PTPRD: variants seen among roughly 807,000 people sequenced by gnomAD.
The protein encoded by PTPRD is receptor-type tyrosine-protein phosphatase delta.
Under a neutral mutation model 214.5 loss-of-function variants are expected in PTPRD, and 34 were observed. That is an observed-to-expected ratio of 0.16 (90% CI 0.12 to 0.21). The LOEUF is 0.21. PTPRD is among the 10% of genes least tolerant of loss of function. PTPRD has a pLI of 1.00. For synonymous variants in PTPRD, 1,128 were observed against 845.7 expected, an observed-to-expected ratio of 1.33 and a Z score of -5.79; for missense variants, 2,545 against 2,398.7, an observed-to-expected ratio of 1.06 and a Z score of -1.27.
chr9:8,456,833 T>C (rs2096224034), intron 33 of PTPRD, among the ~76,000 whole-genome samples: 1 of 91,016 alleles, frequency 1.1e-5, no homozygotes, highest in African/African-American at 4.4e-5. Context: ...CTCAGACTTC[T>C]AGGACCACCT....
At chr9:8,644,610 T>C (rs1006499087) in intron 12 of PTPRD, among the ~76,000 whole-genome samples, 3 of 152,232 alleles carry the variant, frequency 2.0e-5, no homozygotes, top group Non-Finnish European at 4.4e-5. Context: ...TGGGGCCTAG[T>C]GGTTCCTGTT....
chr9:9,713,268 G>A (rs868137876), intron 7 of PTPRD, among the ~76,000 whole-genome samples: 3 of 152,188 alleles, frequency 2.0e-5, no homozygotes, highest in Middle Eastern at 3.4e-3. Flanking sequence ...CTTCTATATT[G>A]TTGAAATAAA....
chr9:9,211,053 C>T (rs1037560239), intron 9 of PTPRD, among the ~76,000 whole-genome samples: 1 of 151,726 alleles, frequency 6.6e-6, no homozygotes, highest in Non-Finnish European at 1.5e-5. Flanking sequence ...TTTGTCCTTG[C>T]AAATATCAAG....
intron 12 of PTPRD, among the ~76,000 whole-genome samples, chr9:8,712,759 C>T (rs2098368191): frequency 6.6e-6 from 1 of 152,170 alleles, no homozygotes; most frequent in Admixed American, 6.5e-5. Flanking sequence ...CTCCTTGTTG[C>T]CCAGGCTGGA....
chr9:9,055,774 C>T (rs2099695069), intron 10 of PTPRD, among the ~76,000 whole-genome samples: 2 of 149,786 alleles, frequency 1.3e-5, no homozygotes, highest in Admixed American at 1.3e-4. Flanking sequence ...ATAAATGCAA[C>T]ATACTATCTA....
chr9:9,423,410 C>G (rs1480924173), intron 8 of PTPRD, among the ~76,000 whole-genome samples: 2 of 152,152 alleles, frequency 1.3e-5, no homozygotes, highest in Admixed American at 1.3e-4. Flanking sequence ...AATCAGCCAG[C>G]CTCTTGATCT....
At position 9,724,386 on chromosome 9, in the gene PTPRD, C is replaced by G. The variant is rs141800153; in HGVS notation, c.-287+10147G>C. Among the ~76,000 whole-genome samples the G allele has an allele frequency of 1.7e-3, 254 of 152,262 alleles. 1 individual carries two copies. Among genetic ancestry groups the G allele is most frequent in the African/African-American group, 5.7e-3 (237 of 41,560 alleles). On this transcript the variant is annotated intron_variant, in intron 7 of 45. Coordinates refer to ENST00000381196, the MANE Select transcript of PTPRD (RefSeq NM_002839.4). The stretch of plus-strand genomic sequence containing the variant: ...AGCTCAACTCAATAAACATAGTGTT[C>G]AAGTTGTGTGCTTAATAGGCCTTTG...
intron 9 of PTPRD, among the ~76,000 whole-genome samples, chr9:9,220,531 A>G (rs1036072567): frequency 1.3e-5 from 2 of 152,052 alleles, no homozygotes; most frequent in Non-Finnish European, 2.9e-5. Context: ...AACTTTCTAA[A>G]AATAGGTGGA....
At chr9:9,839,451 A>G (rs967638578) in intron 5 of PTPRD, among the ~76,000 whole-genome samples, 1 of 152,176 alleles carries the variant, frequency 6.6e-6, no homozygotes, top group African/African-American at 2.4e-5. Context: ...TCCCATTCAC[A>G]ATTGCTTCAA....
chr9:10,299,204 T>C (rs1367120400), intron 3 of PTPRD, among the ~76,000 whole-genome samples: 2 of 152,180 alleles, frequency 1.3e-5, no homozygotes, highest in Non-Finnish European at 2.9e-5. Flanking sequence ...CACTCAATAT[T>C]GGGTAGAACT....
intron 37 of PTPRD, among the ~76,000 whole-genome samples, chr9:8,385,267 C>G (rs1589214538): frequency 1.3e-5 from 2 of 152,196 alleles, no homozygotes; most frequent in East Asian, 3.9e-4. Flanking sequence ...TGGCTCAAGC[C>G]TGCAGTCCAA....
At chr9:10,507,836 C>A (rs1352442410) in intron 2 of PTPRD, among the ~76,000 whole-genome samples, 2 of 152,040 alleles carry the variant, frequency 1.3e-5, no homozygotes, top group Non-Finnish European at 2.9e-5. Flanking sequence ...GACCTAAAAC[C>A]ATAAAAACCC....
chr9:9,104,253 C>T (rs574288634), intron 10 of PTPRD, among the ~76,000 whole-genome samples: 88 of 152,186 alleles, frequency 5.8e-4, no homozygotes, highest in Non-Finnish European at 8.2e-4. Flanking sequence ...AATAAAACTT[C>T]GTTGGTGGGC....
intron 10 of PTPRD, among the ~76,000 whole-genome samples, chr9:9,131,103 T>C (rs1327814213): frequency 3.3e-5 from 5 of 151,976 alleles, no homozygotes; most frequent in Non-Finnish European, 7.4e-5. Context: ...AATAGAAAAG[T>C]TGAAGTTAGG....
chr9:10,388,565 T>A (rs2097976491), intron 2 of PTPRD, among the ~76,000 whole-genome samples: 1 of 151,736 alleles, frequency 6.6e-6, no homozygotes, highest in African/African-American at 2.4e-5. Flanking sequence ...AAGTAATTTA[T>A]ATTTATAGTT....
At chr9:9,851,446 C>T (rs539610593) in intron 5 of PTPRD, among the ~76,000 whole-genome samples, 72 of 152,258 alleles carry the variant, frequency 4.7e-4, no homozygotes, top group African/African-American at 1.6e-3. Context: ...AATATTGCCT[C>T]TTTTTGTTTT....
chr9:8,507,475 G>C, intron 21 of PTPRD, 41 bp from the exon 22 acceptor site: 1 of 1,611,948 alleles, frequency 6.2e-7, no homozygotes, highest in East Asian at 2.2e-5. Flanking sequence ...ACAATCACCA[G>C]GAGTATTCAC....
intron 9 of PTPRD, among the ~76,000 whole-genome samples, chr9:9,202,313 TA>T (rs1350062162): frequency 1.3e-5 from 2 of 152,214 alleles, no homozygotes; most frequent in African/African-American, 4.8e-5. Context: ...GCAAGATGGT[TA>T]AAAATTTACT....
At chr9:9,889,894 G>A (rs1287458888) in intron 5 of PTPRD, among the ~76,000 whole-genome samples, 1 of 151,904 alleles carries the variant, frequency 6.6e-6, no homozygotes, top group Non-Finnish European at 1.5e-5. Flanking sequence ...GCCACTGCCA[G>A]CAGTACATGG....
Sources: allele counts gnomAD v4.1 joint callset (sites outside exome capture counted in the v4.1 genomes callset), GRCh38; gene constraint gnomAD v4.1.1; transcripts MANE v1.5; gene names NCBI Gene and HGNC (gene_info 2026-07-23, HGNC 2026-07-21).